COX20: variants seen among roughly 807,000 people sequenced by gnomAD.
COX20 encodes cytochrome c oxidase assembly factor COX20.
Under a neutral mutation model 14.3 loss-of-function variants are expected in COX20, and 14 were observed. That is an observed-to-expected ratio of 0.98 (90% confidence interval 0.65 to 1.53). COX20 has a LOEUF of 1.53. Among genes scored for constraint, COX20 ranks in the 40% most tolerant of loss-of-function variants. The pLI is 0.00. For synonymous variants in COX20, 56 were observed against 51.7 expected (o/e 1.08, Z -0.36); for missense variants, 149 against 142.1 (o/e 1.05, Z -0.25).
Position 244,835,684 on chromosome 1 carries a change from G to A in COX20, c.-31G>A, listed in dbSNP as rs1046325908. 8.0e-7 allele frequency: 1 copy of A among 1,244,922 alleles called. No homozygotes were observed. The highest frequency in any genetic ancestry group is 1.0e-6 in the Non-Finnish European group (1 of 994,018). 77.1% of individuals were successfully genotyped at this position (1,244,922 alleles called of 1,614,324 possible). A position where few individuals can be genotyped will look rare whatever the true frequency, so the allele number is the denominator to read the frequency against. On this transcript the variant is annotated 5_prime_UTR_variant, in exon 1 of 4. Coordinates refer to ENST00000411948, the MANE Select transcript of COX20 (RefSeq NM_198076.6). ...CTTCTGCTTCCGCGACCCCGGCGGT[G>A]CAGGGCGGGTGGAGTCGCGGAGTAG...
intron 3 of COX20, 48 bp from the exon 4 acceptor site, chr1:244,842,993 T>G: frequency 7.5e-7 from 1 of 1,340,506 alleles, no homozygotes; most frequent in Middle Eastern, 2.0e-4. Context: ...TAAATTAATT[T>G]CTGTAGGACT....
chr1:244,839,339 C>T (rs905982405), intron 1 of COX20, among the ~76,000 whole-genome samples: 18 of 152,110 alleles, frequency 1.2e-4, no homozygotes, highest in Non-Finnish European at 2.5e-4. Context: ...ACATTATTGA[C>T]ATTCTGGCTT....
chr1:244,841,083 A>G (rs1435394596), intron 1 of COX20: 6 of 152,238 alleles, frequency 3.9e-5, no homozygotes, highest in African/African-American at 1.4e-4. Context: ...TTGCCGCCCT[A>G]GAGTGACAGA....
chr1:244,835,798 TG>T, intron 1 of COX20, 42 bp downstream of exon 1: 1 of 1,238,324 alleles, frequency 8.1e-7, no homozygotes, highest in South Asian at 3.4e-5. Flanking sequence ...GGGTGGGCGG[TG>T]GGTAAGGACG....
At position 244,842,170 on chromosome 1, in the gene COX20, T is replaced by C. The variant is rs562715967; in HGVS notation, c.158-25T>C. The C allele has an allele frequency of 7.1e-6, 11 of 1,540,776 alleles. No homozygotes were observed. In the South Asian group the frequency reaches 1.2e-4, roughly 17 times the overall value. ...TGTATATAACGTAATTATATTCTAA[T>C]TAATTGTTATGCTTATTTTTACAGG... On this transcript the variant is annotated intron_variant, in intron 2 of 3. Coordinates refer to ENST00000411948, the MANE Select transcript of COX20 (RefSeq NM_198076.6).
chr1:244,838,071 T>C (rs527786232), intron 1 of COX20, among the ~76,000 whole-genome samples: 1 of 152,348 alleles, frequency 6.6e-6, no homozygotes, highest in Admixed American at 6.5e-5. Flanking sequence ...TTTGGGATGC[T>C]CAACCTGTAT....
At position 244,841,927 on chromosome 1, in the gene COX20, C is replaced by CT. The variant is rs770522096; in HGVS notation, c.43-9dup. On this transcript the variant is annotated splice_polypyrimidine_tract_variant and intron_variant, in intron 1 of 3. Coordinates refer to ENST00000411948, the MANE Select transcript of COX20 (RefSeq NM_198076.6). The stretch of plus-strand genomic sequence containing the variant: ...AATACTTTCTTACTCAATCTAGGTT[C>CT]TTTTTTTTCATTCTAGTCCCTTAAG... 9.7e-5 allele frequency: 142 copies of CT among 1,459,956 alleles called. No individual in the cohort carries two copies. The highest frequency in any genetic ancestry group is 3.0e-4 in the South Asian group (25 of 83,390). 90.4% of individuals were successfully genotyped at this position (1,459,956 alleles called of 1,614,324 possible). A position where few individuals can be genotyped will look rare whatever the true frequency, so the allele number is the denominator to read the frequency against.
intron 1 of COX20, among the ~76,000 whole-genome samples, chr1:244,836,985 C>G (rs1680010042): frequency 6.6e-6 from 1 of 151,402 alleles, no homozygotes; most frequent in African/African-American, 2.4e-5. Context: ...AAGATCTTTG[C>G]ATACACACAG....
At chr1:244,839,871 A>G (rs940938670) in intron 1 of COX20, 1 of 152,166 alleles carries the variant, frequency 6.6e-6, no homozygotes, top group Non-Finnish European at 1.5e-5. Context: ...TCCTGCCAAC[A>G]CTTATTATTA....
rs193217983 is a variant in COX20 at position 244,837,438 on chromosome 1, A to G, written c.42+1682A>G. On this transcript the variant is annotated intron_variant, in intron 1 of 3. Coordinates refer to ENST00000411948, the MANE Select transcript of COX20 (RefSeq NM_198076.6). ...GGAGGATTATTTTATTATAAGAATT[A>G]GCAAACCTAAAGTAAAAATGGGAGT... 2.2e-3 allele frequency among the ~76,000 whole-genome samples: 330 copies of G among 152,350 alleles called. 2 individuals carry two copies. Among genetic ancestry groups the G allele is most frequent in the African/African-American group, 7.6e-3 (317 of 41,572 alleles).
rs532000155 is a variant in COX20, at chr1:244,835,693, G to T, written c.-22G>T. The stretch of plus-strand genomic sequence containing the variant: ...CCGCGACCCCGGCGGTGCAGGGCGG[G>T]TGGAGTCGCGGAGTAGTCCTCATGG... On this transcript the variant is annotated 5_prime_UTR_variant, in exon 1 of 4. Transcript: ENST00000411948. 3.2e-6 allele frequency: 4 copies of T among 1,253,006 alleles called. No homozygotes were observed. The highest frequency in any genetic ancestry group is 3.1e-5 in the East Asian group (1 of 31,884). The allele number at this position is 1,253,006 out of a possible 1,614,324, so 77.6% of individuals were successfully genotyped here.
intron 2 of COX20, 41 bp from the exon 3 acceptor site, chr1:244,842,145 TGTATATAAC>T: frequency 6.9e-7 from 1 of 1,451,176 alleles, no homozygotes; most frequent in Non-Finnish European, 9.7e-7. Context: ...GGTGGAGTAA[TGTATATAAC>T]GTAATTATAT....
chr1:244,842,731 C>T (rs1260026454), intron 3 of COX20: 2 of 246,604 alleles, frequency 8.1e-6, no homozygotes, highest in Non-Finnish European at 1.6e-5. Context: ...CATTATTATC[C>T]CGTTAAAAAC....
At chr1:244,842,338 A>ATGT in intron 3 of COX20, 80 bp downstream of exon 3, 1 of 972,906 alleles carries the variant, frequency 1.0e-6, no homozygotes, top group Non-Finnish European at 1.7e-6. Context: ...TTTTCAGAGC[A>ATGT]GTCTCCCATT....
rs1285837370 is a variant in COX20, at chr1:244,843,465, T to G, written c.*289T>G. Reference sequence around the variant, plus strand: ...CATAGTGTTTAATGTACTTGGAGTTTCCTTGTAGTAGTAAGTATAGAGTTT... The same window carrying G: ...CATAGTGTTTAATGTACTTGGAGTTGCCTTGTAGTAGTAAGTATAGAGTTT... On this transcript the variant is annotated 3_prime_UTR_variant, in exon 4 of 4. Coordinates refer to ENST00000411948, the MANE Select transcript of COX20 (RefSeq NM_198076.6). 3.1e-6 allele frequency: 1 copy of G among 317,740 alleles called. No individual in the cohort carries two copies. Among genetic ancestry groups the G allele is most frequent in the Non-Finnish European group, 5.8e-6 (1 of 172,982 alleles). 19.7% of individuals were successfully genotyped at this position (317,740 alleles called of 1,614,324 possible).
rs1680318586 is a variant in COX20, at chr1:244,843,925, A to C, written c.*749A>C. On this transcript the variant is annotated 3_prime_UTR_variant, in exon 4 of 4. Coordinates refer to ENST00000411948, the MANE Select transcript of COX20 (RefSeq NM_198076.6). ...ATACAATACCCACAGCATCTAACTA[A>C]ATCCTCAGGATTTATTCTCCGGGAG... is the stretch of plus-strand genomic sequence containing the variant. 6.6e-6 allele frequency: 1 copy of C among 152,220 alleles called. No individual in the cohort carries two copies. The highest frequency in any genetic ancestry group is 1.5e-5 in the Non-Finnish European group (1 of 68,040). 9.4% of individuals were successfully genotyped at this position (152,220 alleles called of 1,614,324 possible).
chr1:244,835,862 C>T (rs1041194942), intron 1 of COX20, 106 bp downstream of exon 1: 23 of 792,320 alleles, frequency 2.9e-5, no homozygotes, highest in Non-Finnish European at 3.9e-5. Context: ...TCTCTGCCAC[C>T]CATGGGCTTG....
At chr1:244,842,980 T>A (rs1205377178) in intron 3 of COX20, 61 bp from the exon 4 acceptor site, 1 of 1,248,972 alleles carries the variant, frequency 8.0e-7, no homozygotes. Context: ...TAGAGAAATT[T>A]CATAAATTAA....
chr1:244,844,336 A>G lies in COX20; in HGVS notation c.*1160A>G. The stretch of plus-strand genomic sequence containing the variant: ...AAATGCCTTAACTTAGCAGTGAATG[A>G]CAACTGTCAAACACATGTTGAGGGA... On this transcript the variant is annotated 3_prime_UTR_variant, in exon 4 of 4. Transcript: ENST00000411948. 6.6e-6 allele frequency: 1 copy of G among 152,212 alleles called. No homozygotes were observed. Among genetic ancestry groups the G allele is most frequent in the East Asian group, 1.9e-4 (1 of 5,204 alleles). The allele number at this position is 152,212 out of a possible 1,614,324, so 9.4% of individuals were successfully genotyped here.
Sources: allele counts gnomAD v4.1 joint callset (sites outside exome capture counted in the v4.1 genomes callset), GRCh38; gene constraint gnomAD v4.1.1; transcripts MANE v1.5; gene names NCBI Gene and HGNC (gene_info 2026-07-23, HGNC 2026-07-21).